The following CNGB3 variants were observed in gnomAD, a reference collection of about 807,000 sequenced individuals.
CNGB3 encodes the protein cyclic nucleotide gated channel subunit beta 3, also known as cyclic nucleotide-gated channel beta-3.
Under a neutral mutation model 92.8 loss-of-function variants are expected in CNGB3, and 86 were observed. The ratio of observed to expected loss-of-function variants is 0.93; its 90% CI spans 0.78 to 1.11. The LOEUF is 1.11. Among genes scored for constraint, CNGB3 ranks in the 50% least tolerant of loss-of-function variants. The pLI, the probability that CNGB3 is intolerant of heterozygous loss-of-function variation, is 0.00. For synonymous variants in CNGB3, 333 were observed against 332.7 expected (o/e 1.00, Z -0.01); for missense variants, 1,026 against 956.8 (o/e 1.07, Z -0.95).
chr8:86,625,072 G>A (rs1340777164), intron 13 of CNGB3, among the ~76,000 whole-genome samples: 2 of 152,098 alleles, frequency 1.3e-5, no homozygotes, highest in Non-Finnish European at 2.9e-5. Context: ...AGATGCTGCT[G>A]TGCTTCCTGT....
Position 86,624,740 on chromosome 8 carries a change from A to T in CNGB3, c.1578+1243T>A, listed in dbSNP as rs139365283. Reference sequence around the variant, plus strand: ...AATCAGAGAGGCCTTTCTTGCCAGTACCACCCTCATCCTTCTTAACCTGTG... The same window carrying T: ...AATCAGAGAGGCCTTTCTTGCCAGTTCCACCCTCATCCTTCTTAACCTGTG... On this transcript the variant is annotated intron_variant, in intron 13 of 17. Transcript: ENST00000320005. Among the ~76,000 whole-genome samples the T allele has an allele frequency of 8.8e-3, 1,336 of 152,242 alleles. 21 individuals carry two copies. Among genetic ancestry groups the T allele is most frequent in the African/African-American group, 0.031 (1,282 of 41,556 alleles).
At chr8:86,686,455 A>G (rs575398387) in intron 3 of CNGB3, among the ~76,000 whole-genome samples, 1 of 152,122 alleles carries the variant, frequency 6.6e-6, no homozygotes, top group Non-Finnish European at 1.5e-5. Flanking sequence ...GAATCATCCT[A>G]TTGGCTACAA....
chr8:86,604,602 C>T (rs7820332), intron 14 of CNGB3, among the ~76,000 whole-genome samples: 43,046 of 152,020 alleles, frequency 0.28, 6,393 homozygotes, highest in Admixed American at 0.42. Context: ...GCATAGACTG[C>T]AGCCTTTCAA....
intron 10 of CNGB3, among the ~76,000 whole-genome samples, chr8:86,635,843 TATATATATATATATATATATAC>T (rs1452154303): frequency 1.7e-4 from 12 of 68,752 alleles, no homozygotes; most frequent in Admixed American, 3.5e-4. Context: ...TATATATATA[TATATATATATATATATATATAC>T]ACATACACAT....
In CNGB3 at chr8:86,730,884, T is replaced by A. The variant is rs1825144719; in HGVS notation, c.212-4227A>T. Among the ~76,000 whole-genome samples, 3 of 152,186 alleles carry A rather than the reference T, an allele frequency of 2.0e-5. No homozygotes were observed. In the South Asian group the frequency reaches 6.2e-4, roughly 31 times the overall value. ...TAAAATGGATTCTGAAAGAGGGTTT[T>A]AAAATGGCATTCAGAAGAACAGAAA... On this transcript the variant is annotated intron_variant, in intron 2 of 17. Coordinates refer to ENST00000320005, the MANE Select transcript of CNGB3 (RefSeq NM_019098.5).
At chr8:86,594,674 G>GC in intron 15 of CNGB3, 1 of 184,158 alleles carries the variant, frequency 5.4e-6, no homozygotes, top group South Asian at 9.9e-5. Context: ...CCTCCCGCTT[G>GC]CCCCTGGCTT....
At chr8:86,583,174 T>A (rs569937098) in intron 15 of CNGB3, among the ~76,000 whole-genome samples, 4 of 152,298 alleles carry the variant, frequency 2.6e-5, no homozygotes, top group African/African-American at 9.6e-5. Context: ...GTGCTGGGAT[T>A]ACAGGCATGA....
At chr8:86,620,079 C>T (rs752707057) in intron 13 of CNGB3, among the ~76,000 whole-genome samples, 17 of 152,060 alleles carry the variant, frequency 1.1e-4, no homozygotes, top group African/African-American at 3.4e-4. Flanking sequence ...ATCAGTGATC[C>T]GGATAGGGTT....
intron 6 of CNGB3, chr8:86,660,935 T>C: frequency 7.1e-6 from 2 of 282,748 alleles, no homozygotes; most frequent in South Asian, 3.5e-5. Context: ...GAAAAGGCCC[T>C]TCTTTCTGGT....
intron 11 of CNGB3, among the ~76,000 whole-genome samples, chr8:86,630,218 G>T (rs542900386): frequency 3.9e-5 from 6 of 152,134 alleles, no homozygotes; most frequent in Non-Finnish European, 8.8e-5. Context: ...TCAATTCCTA[G>T]ATCTCACTTT....
At chr8:86,649,916 C>T (rs1439410319) in intron 7 of CNGB3, among the ~76,000 whole-genome samples, 1 of 151,490 alleles carries the variant, frequency 6.6e-6, no homozygotes, top group Admixed American at 6.6e-5. Context: ...GACTAGTATC[C>T]AGAATCTACA....
intron 15 of CNGB3, among the ~76,000 whole-genome samples, chr8:86,580,235 C>T (rs1192538391): frequency 6.6e-6 from 1 of 151,948 alleles, no homozygotes; most frequent in Non-Finnish European, 1.5e-5. Flanking sequence ...CAGTCACCTC[C>T]CATCAGGTCC....
rs1347644916 is a variant in CNGB3 at position 86,574,212 on chromosome 8, T to A, written c.*1592A>T. On this transcript the variant is annotated 3_prime_UTR_variant, in exon 18 of 18. Transcript: ENST00000320005. ...GTCTTGTATTTTAATATCATTTGAA[T>A]AAATTACAGGGTGTAAAGGGAAAGC... 1 of 152,224 alleles carries A rather than the reference T, an allele frequency of 6.6e-6. No individual in the cohort carries two copies. Among genetic ancestry groups the A allele is most frequent in the Non-Finnish European group, 1.5e-5 (1 of 68,026 alleles). 9.4% of individuals were successfully genotyped at this position (152,224 alleles called of 1,614,324 possible). A position where few individuals can be genotyped will look rare whatever the true frequency, so the allele number is the denominator to read the frequency against.
At chr8:86,688,159 G>A (rs948966380) in intron 3 of CNGB3, among the ~76,000 whole-genome samples, 1 of 152,004 alleles carries the variant, frequency 6.6e-6, no homozygotes, top group East Asian at 1.9e-4. Flanking sequence ...AGAGGACCAC[G>A]AGAGAGATGT....
intron 3 of CNGB3, among the ~76,000 whole-genome samples, chr8:86,698,550 A>G (rs1367172572): frequency 6.6e-6 from 1 of 152,218 alleles, no homozygotes; most frequent in African/African-American, 2.4e-5. Context: ...AAATTTCTTC[A>G]TAGGGAAAAA....
Position 86,743,427 on chromosome 8 carries a change from C to T in CNGB3, c.129+72G>A, listed in dbSNP as rs147266194. 29 of 1,545,716 alleles carry T rather than the reference C, an allele frequency of 1.9e-5. No individual in the cohort carries two copies. The African/African-American group carries it at 3.9e-4, about 21-fold the overall frequency. ...ACTACTAAACAATCATATATCGTAG[C>T]AGTGATTAAATGCTATTACCAGATA... On this transcript the variant is annotated intron_variant, in intron 1 of 17. Coordinates refer to ENST00000320005, the MANE Select transcript of CNGB3 (RefSeq NM_019098.5).
chr8:86,652,728 T>C (rs2131601878), intron 7 of CNGB3, among the ~76,000 whole-genome samples: 1 of 152,140 alleles, frequency 6.6e-6, no homozygotes, highest in South Asian at 2.1e-4. Flanking sequence ...CTCCATAACA[T>C]GGGTGGAGCT....
At chr8:86,619,084 G>T (rs1215083261) in intron 13 of CNGB3, among the ~76,000 whole-genome samples, 3 of 152,146 alleles carry the variant, frequency 2.0e-5, no homozygotes, top group Non-Finnish European at 4.4e-5. Context: ...CTTCCTTGTC[G>T]GACTGTAGTA....
chr8:86,627,275 T>C (rs1822868748), intron 12 of CNGB3, among the ~76,000 whole-genome samples: 3 of 152,170 alleles, frequency 2.0e-5, no homozygotes, highest in African/African-American at 7.2e-5. Context: ...TGAATCATTA[T>C]CTGCCTTCGC....
Sources: gnomAD v4.1 joint callset for allele counts (sites outside exome capture counted in the v4.1 genomes callset) on GRCh38, gnomAD v4.1.1 for gene constraint, MANE v1.5 for transcripts, NCBI Gene and HGNC (gene_info 2026-07-23, HGNC 2026-07-21) for gene names.